Variants in UPP2 observed in about 807,000 individuals in gnomAD.
UPP2 encodes UPase 2.
Under a neutral mutation model 26.7 loss-of-function variants are expected in UPP2, and 23 were observed. The observed-to-expected ratio is 0.86, with a 90% CI of 0.62 to 1.22. UPP2 has a LOEUF of 1.22. Ranked by LOEUF, UPP2 falls within the 50% of genes most tolerant of loss-of-function variation. UPP2 has a pLI of 0.00. For synonymous variants in UPP2, 127 were observed against 141.3 expected (o/e 0.90, Z 0.72); for missense variants, 387 against 396.7 (o/e 0.98, Z 0.21).
intron 2 of UPP2, among the ~76,000 whole-genome samples, chr2:158,010,885 C>A (rs979052700): frequency 2.6e-5 from 4 of 151,726 alleles, no homozygotes; most frequent in African/African-American, 9.7e-5. Context: ...GGTGCCTTAG[C>A]CTCCCTAGTA....
intron 3 of UPP2, among the ~76,000 whole-genome samples, chr2:158,095,216 C>A (rs932727278): frequency 1.2e-4 from 19 of 152,048 alleles, no homozygotes; most frequent in Non-Finnish European, 2.4e-4. Flanking sequence ...TTTTAAGGGT[C>A]AATTTAAAAT....
intron 3 of UPP2, among the ~76,000 whole-genome samples, chr2:158,049,884 T>C (rs1482354409): frequency 6.6e-6 from 1 of 152,224 alleles, no homozygotes; most frequent in South Asian, 2.1e-4. Context: ...CTGTTGACAA[T>C]TTTTCACTTG....
chr2:158,018,154 T>G (rs1000523860), intron 3 of UPP2, among the ~76,000 whole-genome samples: 1 of 152,224 alleles, frequency 6.6e-6, no homozygotes, highest in Non-Finnish European at 1.5e-5. Context: ...GCCTCTCGTA[T>G]GTGGTGTCAT....
At chr2:158,115,059 TC>T in intron 2 of UPP2, 41 bp from the exon 3 acceptor site, 1 of 1,538,612 alleles carries the variant, frequency 6.5e-7, no homozygotes. Flanking sequence ...GTGGTTCTTA[TC>T]CCAGTTACTA....
chr2:158,086,728 A>T lies in UPP2; in HGVS notation c.148-15312A>T, dbSNP rs548140003. On this transcript the variant is annotated intron_variant, in intron 3 of 9. Transcript: ENST00000605860. ...CAGTTCAAAGAATTTTTTAATTTCC[A>T]TCTTGATTTCATTGTTGACCCAATG... 9.9e-5 allele frequency among the ~76,000 whole-genome samples: 15 copies of T among 152,222 alleles called. No homozygotes were observed. The East Asian group carries it at 2.7e-3, about 27-fold the overall frequency.
chr2:158,107,725 T>C lies in UPP2; in HGVS notation c.180+1509T>C, dbSNP rs74823590. Among the ~76,000 whole-genome samples, 694 of 152,190 alleles carry C rather than the reference T, an allele frequency of 4.6e-3. 6 individuals carry two copies. The highest frequency in any genetic ancestry group is 0.042 in the South Asian group (204 of 4,814). ...TATTATGCCTATGATTAGTAGGTGC[T>C]GAGTGGCCTTCTCCTGCTCCCTCTC... is the stretch of plus-strand genomic sequence containing the variant. On this transcript the variant is annotated intron_variant, in intron 2 of 6. Coordinates refer to ENST00000005756, the MANE Select transcript of UPP2 (RefSeq NM_173355.4).
At chr2:158,095,373 G>A (rs1188005865) in intron 3 of UPP2, among the ~76,000 whole-genome samples, 1 of 152,120 alleles carries the variant, frequency 6.6e-6, no homozygotes, top group Non-Finnish European at 1.5e-5. Flanking sequence ...TCAACAACCT[G>A]ATGACTAGCA....
intron 3 of UPP2, among the ~76,000 whole-genome samples, chr2:158,038,002 A>G (rs1053996395): frequency 1.3e-5 from 2 of 152,168 alleles, no homozygotes; most frequent in African/African-American, 4.8e-5. Context: ...CTAAGGCAGA[A>G]TGTATCCTCA....
intron 3 of UPP2, among the ~76,000 whole-genome samples, chr2:158,038,000 G>A (rs1226964100): frequency 1.3e-5 from 2 of 152,192 alleles, no homozygotes; most frequent in Admixed American, 1.3e-4. Context: ...AACTAAGGCA[G>A]AATGTATCCT....
At chr2:158,011,805 C>T (rs936529180) in intron 2 of UPP2, among the ~76,000 whole-genome samples, 1 of 152,052 alleles carries the variant, frequency 6.6e-6, no homozygotes, top group African/African-American at 2.4e-5. Context: ...AATATTTGCT[C>T]GATAAATGAA....
chr2:158,080,739 A>T (rs939302547), intron 3 of UPP2, among the ~76,000 whole-genome samples: 11 of 152,136 alleles, frequency 7.2e-5, no homozygotes, highest in Non-Finnish European at 1.6e-4. Flanking sequence ...CAGCCTCTGT[A>T]TTTTGTCCAC....
intron 2 of UPP2, among the ~76,000 whole-genome samples, chr2:158,111,495 T>A (rs1683319349): frequency 6.6e-6 from 1 of 152,158 alleles, no homozygotes; most frequent in Non-Finnish European, 1.5e-5. Flanking sequence ...CAGCATATAA[T>A]TGGATCATAT....
At chr2:158,111,940 T>A (rs777445027) in intron 2 of UPP2, among the ~76,000 whole-genome samples, 6 of 152,164 alleles carry the variant, frequency 3.9e-5, no homozygotes, top group Non-Finnish European at 7.4e-5. Flanking sequence ...ACAAGCATTA[T>A]TGAAAGAAAT....
upstream of UPP2, among the ~76,000 whole-genome samples, chr2:158,098,392 A>G (rs139947410): frequency 0.013 from 2,020 of 152,234 alleles, 26 homozygotes; most frequent in Non-Finnish European, 0.02. Context: ...GAATTTCCAT[A>G]TTCAGCTTAG....
Position 158,026,870 on chromosome 2 carries a change from T to C in UPP2, c.147+10984T>C, listed in dbSNP as rs572791293. ...TGGGAGGGGAAAGGCACTTCTTACA[T>C]AGTGACAGCAAGAAGAAGTGAGGAA... On this transcript the variant is annotated intron_variant, in intron 3 of 9. Coordinates refer to the UPP2 transcript ENST00000605860. Among the ~76,000 whole-genome samples, 42 of 152,170 alleles carry C rather than the reference T, an allele frequency of 2.8e-4. 1 individual carries two copies. In the South Asian group the frequency reaches 7.3e-3, roughly 26 times the overall value.
intron 3 of UPP2, among the ~76,000 whole-genome samples, chr2:158,042,314 AC>A (rs1574259680): frequency 6.6e-6 from 1 of 151,782 alleles, no homozygotes; most frequent in East Asian, 1.9e-4. Context: ...GGGAAGAACA[AC>A]CCCCCTCGCT....
intron 3 of UPP2, among the ~76,000 whole-genome samples, chr2:158,054,732 A>G (rs1036773316): frequency 6.6e-6 from 1 of 152,204 alleles, no homozygotes; most frequent in African/African-American, 2.4e-5. Context: ...ATAGTCAATG[A>G]CTTCTACATG....
chr2:158,090,487 T>C (rs980191109), intron 3 of UPP2, among the ~76,000 whole-genome samples: 1 of 151,636 alleles, frequency 6.6e-6, no homozygotes, highest in Admixed American at 6.6e-5. Context: ...GGCGGCAGAG[T>C]GAGACTCCGT....
chr2:158,006,007 A>C (rs1356166398), intron 2 of UPP2, among the ~76,000 whole-genome samples: 1 of 152,170 alleles, frequency 6.6e-6, no homozygotes, highest in Non-Finnish European at 1.5e-5. Flanking sequence ...TACACTGCGC[A>C]GCTACAGTGA....
Sources: allele counts gnomAD v4.1 joint callset (sites outside exome capture counted in the v4.1 genomes callset), GRCh38; gene constraint gnomAD v4.1.1; transcripts MANE v1.5; gene names NCBI Gene and HGNC (gene_info 2026-07-23, HGNC 2026-07-21).